STK35: variants seen among roughly 807,000 people sequenced by gnomAD.
STK35 encodes the protein serine/threonine kinase 35.
A neutral mutation model predicts 37.3 loss-of-function variants in STK35; 17 were observed. The ratio of observed to expected loss-of-function variants is 0.46; its 90% CI spans 0.31 to 0.68. The LOEUF is 0.68. Ranked by LOEUF, STK35 falls within the 30% of genes least tolerant of loss-of-function variation. The probability of loss-of-function intolerance (pLI) is 0.05; values close to 1 mark genes in which losing one functional copy is unlikely to be tolerated. For synonymous variants in STK35, 385 were observed against 319.1 expected, an observed-to-expected ratio of 1.21 and a Z score of -2.20; for missense variants, 595 against 746.7, an observed-to-expected ratio of 0.80 and a Z score of 2.37.
At chr20:2,139,053 A>G (rs16981929) in intron 3 of STK35, among the ~76,000 whole-genome samples, 1,625 of 152,288 alleles carry the variant, frequency 0.011, 24 homozygotes, top group African/African-American at 0.035. Flanking sequence ...AGGTAATGAC[A>G]TTTTGACACT....
At chr20:2,112,333 A>G (rs977213746) in intron 2 of STK35, among the ~76,000 whole-genome samples, 2 of 152,204 alleles carry the variant, frequency 1.3e-5, no homozygotes, top group African/African-American at 2.4e-5. Flanking sequence ...ATGAGATGCA[A>G]GACACCTGCT....
intron 3 of STK35, among the ~76,000 whole-genome samples, chr20:2,143,426 G>A (rs984379311): frequency 1.3e-5 from 2 of 152,194 alleles, no homozygotes; most frequent in African/African-American, 4.8e-5. Flanking sequence ...GGCAAGGTCT[G>A]TGGGGACAGA....
At chr20:2,105,835 C>T (rs935835050) in intron 2 of STK35, among the ~76,000 whole-genome samples, 1 of 152,180 alleles carries the variant, frequency 6.6e-6, no homozygotes, top group African/African-American at 2.4e-5. Context: ...TTGTCAGGCA[C>T]ACCAAGTTGA....
At chr20:2,137,459 G>A (rs563352469) in intron 3 of STK35, among the ~76,000 whole-genome samples, 3 of 152,336 alleles carry the variant, frequency 2.0e-5, no homozygotes, top group East Asian at 1.9e-4. Flanking sequence ...CTCAGATGTC[G>A]TAAGGCGTGG....
rs1370059162 is a variant in STK35, at chr20:2,102,093, A to C, written c.212A>C (p.Gln71Pro). 3.5e-5 allele frequency: 52 copies of C among 1,483,270 alleles called. No homozygotes were observed. The highest frequency in any genetic ancestry group is 4.4e-5 in the Non-Finnish European group (49 of 1,116,542). 91.9% of individuals were successfully genotyped at this position (1,483,270 alleles called of 1,614,324 possible). A position where few individuals can be genotyped will look rare whatever the true frequency, so the allele number is the denominator to read the frequency against. ...ATSRAARSRR[Q>P]PGPGADHPQA... ...TCCCGCGCTGCTCGGTCCCGGAGGC[A>C]GCCCGGGCCCGGAGCGGACCATCCC... is the stretch of plus-strand genomic sequence containing the variant. Residue 71 changes from glutamine (Q) to proline (P), a missense_variant, in exon 1 of 4, where the codon CAG becomes CCG. This residue lies in a region of STK35 where 389 missense variants were observed against 320.0 expected (regional missense o/e 1.22). Transcript: ENST00000381482.
Position 2,117,464 on chromosome 20 carries a change from C to A in STK35, c.*37+49C>A. On this transcript the variant is annotated intron_variant, in intron 3 of 3. Transcript: ENST00000381482. This position sits in a 1 kb window ranked among gnomAD's most constrained non-coding sequence, Gnocchi z 4.4. ...TTTGTTTTTTGTTTTGAGACAGGGT[C>A]TCACTCTGTTGGTCAGGCTGGGGTG... The A allele has an allele frequency of 8.8e-7, 1 of 1,131,822 alleles. No homozygotes were observed. Among genetic ancestry groups the A allele is most frequent in the South Asian group, 1.6e-5 (1 of 63,464 alleles). 70.1% of individuals were successfully genotyped at this position (1,131,822 alleles called of 1,614,324 possible).
chr20:2,103,478 C>A (rs1213465231), intron 2 of STK35, 113 bp downstream of exon 2: 36 of 1,000,482 alleles, frequency 3.6e-5, no homozygotes, highest in Non-Finnish European at 4.7e-5. Flanking sequence ...GTCCCTGTCA[C>A]CCTGTGCCCT....
rs1985418489 is a variant in STK35, at chr20:2,102,676, G to A, written c.295-92G>A. 7 of 1,202,508 alleles carry A rather than the reference G, an allele frequency of 5.8e-6. No individual in the cohort carries two copies. The Admixed American group carries it at 1.6e-4, about 28-fold the overall frequency. 74.5% of individuals were successfully genotyped at this position (1,202,508 alleles called of 1,614,324 possible). ...GCTTCCGTCTTAAAGGGGCCGCGGCGGCCGGGGGAGGAGGAGGTGGGACGC... is the reference window on the plus strand; with the variant it reads ...GCTTCCGTCTTAAAGGGGCCGCGGCAGCCGGGGGAGGAGGAGGTGGGACGC... On this transcript the variant is annotated intron_variant, in intron 1 of 3. Transcript: ENST00000381482.
intron 1 of STK35, 56 bp downstream of exon 1, chr20:2,102,231 T>C: frequency 7.3e-7 from 1 of 1,369,004 alleles, no homozygotes; most frequent in Non-Finnish European, 9.4e-7. Flanking sequence ...TTACTGCCAC[T>C]GCCTCCGCGC....
intron 2 of STK35, among the ~76,000 whole-genome samples, chr20:2,107,513 A>G (rs534327400): frequency 2.0e-5 from 3 of 152,368 alleles, no homozygotes; most frequent in African/African-American, 7.2e-5. Flanking sequence ...TCCACGAGGC[A>G]TGCAGAGGAC....
chr20:2,127,301 C>T (rs1985923231), intron 3 of STK35, among the ~76,000 whole-genome samples: 1 of 151,220 alleles, frequency 6.6e-6, no homozygotes, highest in South Asian at 2.1e-4. Flanking sequence ...GACAAGCCCT[C>T]TCAGAAAGCT....
intron 2 of STK35, among the ~76,000 whole-genome samples, chr20:2,106,771 A>G (rs1020050258): frequency 6.6e-6 from 1 of 152,202 alleles, no homozygotes; most frequent in African/African-American, 2.4e-5. Context: ...CCTTAAATGC[A>G]TTGTCTCCTT....
chr20:2,124,129 C>A (rs537068779), intron 3 of STK35, among the ~76,000 whole-genome samples: 2 of 152,190 alleles, frequency 1.3e-5, no homozygotes. Flanking sequence ...AAAATGTTTT[C>A]CTAATTGAAT....
chr20:2,126,247 T>C (rs748253754), intron 3 of STK35, among the ~76,000 whole-genome samples: 68 of 152,278 alleles, frequency 4.5e-4, no homozygotes, highest in Non-Finnish European at 7.6e-4. Flanking sequence ...AGTGGAGGCA[T>C]TGATTGTTTA....
intron 3 of STK35, among the ~76,000 whole-genome samples, chr20:2,134,105 G>T (rs919264172): frequency 2.6e-5 from 4 of 151,976 alleles, no homozygotes; most frequent in Admixed American, 6.6e-5. Context: ...CTTGAAAGGG[G>T]AGTCTCAGGC....
chr20:2,122,725 T>C (rs1985840761), intron 3 of STK35, among the ~76,000 whole-genome samples: 1 of 152,204 alleles, frequency 6.6e-6, no homozygotes, highest in African/African-American at 2.4e-5. Context: ...TCTGAATTAA[T>C]TGTAATACAG....
At chr20:2,139,822 T>C (rs562943013) in intron 3 of STK35, among the ~76,000 whole-genome samples, 1 of 152,140 alleles carries the variant, frequency 6.6e-6, no homozygotes, top group Admixed American at 6.5e-5. Flanking sequence ...AATAAGAAGG[T>C]GGGGTGCACT....
intron 3 of STK35, among the ~76,000 whole-genome samples, chr20:2,118,188 G>A (rs1985753129): frequency 6.6e-6 from 1 of 152,110 alleles, no homozygotes; most frequent in African/African-American, 2.4e-5. Context: ...TACTTTAGAA[G>A]TATGGCTTTT....
intron 3 of STK35, among the ~76,000 whole-genome samples, chr20:2,127,188 G>A (rs1985920409): frequency 6.6e-6 from 1 of 151,918 alleles, no homozygotes; most frequent in Non-Finnish European, 1.5e-5. Context: ...TGAACCAGTT[G>A]ACTCATTCTG....
Sources: allele counts gnomAD v4.1 joint callset (sites outside exome capture counted in the v4.1 genomes callset), GRCh38; gene constraint gnomAD v4.1.1; regional missense constraint gnomAD v4.1.1; non-coding constraint Gnocchi (gnomAD v3.1); transcripts MANE v1.5; gene names NCBI Gene and HGNC (gene_info 2026-07-23, HGNC 2026-07-21).